Variants in WIPF1 observed in about 807,000 individuals in gnomAD.
WIPF1 encodes the protein WAS/WASL-interacting protein family member 1.
In WIPF1, 13 loss-of-function variants were observed where a neutral mutation model predicts 35.4. The observed-to-expected ratio is 0.37, with a 90% CI of 0.24 to 0.58. WIPF1 has a LOEUF of 0.58. Among genes scored for constraint, WIPF1 ranks in the 20% least tolerant of loss-of-function variants. The pLI is 0.74. For missense variants in WIPF1, 591 were observed against 667.0 expected, an observed-to-expected ratio of 0.89 and a Z score of 1.25; for synonymous variants, 267 against 266.3, an observed-to-expected ratio of 1.00 and a Z score of -0.02.
intron 1 of WIPF1, among the ~76,000 whole-genome samples, chr2:174,603,857 T>C (rs1368798488): frequency 6.6e-6 from 1 of 152,056 alleles, no homozygotes; most frequent in African/African-American, 2.4e-5. Context: ...AACACCAGAA[T>C]CCTGAATACT....
intron 1 of WIPF1, among the ~76,000 whole-genome samples, chr2:174,647,212 A>C (rs561259277): frequency 1.5e-4 from 22 of 143,196 alleles, no homozygotes; most frequent in Admixed American, 1.1e-3. Flanking sequence ...TCTCCAAAAC[A>C]TTTTTTTTTT....
chr2:174,668,056 C>G (rs765893663), intron 1 of WIPF1, among the ~76,000 whole-genome samples: 3 of 152,148 alleles, frequency 2.0e-5, no homozygotes, highest in African/African-American at 4.8e-5. Flanking sequence ...CGTCTTGTTA[C>G]GTTTTGTACC....
chr2:174,612,085 C>T (rs927187946), intron 1 of WIPF1, among the ~76,000 whole-genome samples: 7 of 152,024 alleles, frequency 4.6e-5, no homozygotes, highest in Non-Finnish European at 7.4e-5. Flanking sequence ...TTTGTAGAGA[C>T]GTAGTCTTGC....
chr2:174,654,190 ATGTT>A (rs972493275), intron 1 of WIPF1, among the ~76,000 whole-genome samples: 1 of 152,110 alleles, frequency 6.6e-6, no homozygotes, highest in African/African-American at 2.4e-5. Context: ...TGTACCATTT[ATGTT>A]TATTAAAAAT....
chr2:174,631,084 T>C (rs1396166939), intron 1 of WIPF1, among the ~76,000 whole-genome samples: 1 of 152,202 alleles, frequency 6.6e-6, no homozygotes, highest in Non-Finnish European at 1.5e-5. Flanking sequence ...AAGCCAAACA[T>C]AGAATTACCT....
At chr2:174,642,167 A>C (rs1687309457) in intron 1 of WIPF1, among the ~76,000 whole-genome samples, 1 of 152,182 alleles carries the variant, frequency 6.6e-6, no homozygotes, top group Non-Finnish European at 1.5e-5. Context: ...CTAAGCTGCA[A>C]GGAGGGCAAG....
At chr2:174,624,864 G>C (rs1393088703) in intron 1 of WIPF1, among the ~76,000 whole-genome samples, 1 of 152,176 alleles carries the variant, frequency 6.6e-6, no homozygotes, top group Non-Finnish European at 1.5e-5. Flanking sequence ...TGTGGAGGGG[G>C]GTTGGGGCTG....
chr2:174,615,304 T>C (rs1686474104), intron 1 of WIPF1, among the ~76,000 whole-genome samples: 1 of 152,144 alleles, frequency 6.6e-6, no homozygotes, highest in Non-Finnish European at 1.5e-5. Flanking sequence ...AGCAATTACA[T>C]TAAAAAAATA....
chr2:174,569,799 C>CTGAG (rs1380062199), intron 5 of WIPF1, among the ~76,000 whole-genome samples: 1 of 152,188 alleles, frequency 6.6e-6, no homozygotes, highest in East Asian at 1.9e-4. Context: ...CATCAGAAGA[C>CTGAG]TGAGTGGAGG....
chr2:174,574,007 C>T (rs553784305), intron 4 of WIPF1, among the ~76,000 whole-genome samples: 84 of 151,658 alleles, frequency 5.5e-4, no homozygotes, highest in Non-Finnish European at 1.6e-4. Context: ...CTCCCACCTC[C>T]GCCTCCTGGG....
intron 7 of WIPF1, among the ~76,000 whole-genome samples, chr2:174,565,114 C>T (rs941986471): frequency 5.3e-5 from 8 of 151,996 alleles, no homozygotes; most frequent in African/African-American, 1.9e-4. Context: ...AGGCTAGTCT[C>T]GAACTCCTGA....
intron 1 of WIPF1, among the ~76,000 whole-genome samples, chr2:174,640,807 A>G (rs1431930181): frequency 6.6e-6 from 1 of 152,086 alleles, no homozygotes; most frequent in Non-Finnish European, 1.5e-5. Flanking sequence ...TTAAAGAATT[A>G]ATATTGTTAA....
intron 1 of WIPF1, among the ~76,000 whole-genome samples, chr2:174,624,290 C>T (rs1686761194): frequency 6.6e-6 from 1 of 152,164 alleles, no homozygotes; most frequent in African/African-American, 2.4e-5. Flanking sequence ...GAGAAGTCTT[C>T]CCGCAAAATT....
At chr2:174,675,365 A>AC (rs1345824852) in intron 1 of WIPF1, among the ~76,000 whole-genome samples, 1 of 150,702 alleles carries the variant, frequency 6.6e-6, no homozygotes, top group African/African-American at 2.4e-5. Context: ...TTATCTACTT[A>AC]TTTTTTTTTA....
Position 174,676,761 on chromosome 2 carries a change from T to G in WIPF1, c.-39+6013A>C, listed in dbSNP as rs1403737160. 2.0e-5 allele frequency: 3 copies of G among 152,208 alleles called. No homozygotes were observed. The East Asian group carries it at 5.8e-4, about 29-fold the overall frequency. 9.4% of individuals were successfully genotyped at this position (152,208 alleles called of 1,614,324 possible). On this transcript the variant is annotated intron_variant, in intron 1 of 8. Coordinates refer to the WIPF1 transcript ENST00000272746. ...ACTTCTTAGGTTCTACAATAATAAC[T>G]TCTACTTTCCCCACAAGAACAAAAC... is the stretch of plus-strand genomic sequence containing the variant.
chr2:174,645,008 A>T (rs1200081443), intron 1 of WIPF1, among the ~76,000 whole-genome samples: 1 of 152,110 alleles, frequency 6.6e-6, no homozygotes, highest in African/African-American at 2.4e-5. Context: ...TCCTTATTTG[A>T]TTTTTCATAG....
chr2:174,581,566 T>A, intron 2 of WIPF1, 127 bp from the exon 3 acceptor site: 1 of 1,266,196 alleles, frequency 7.9e-7, no homozygotes, highest in Non-Finnish European at 1.1e-6. Flanking sequence ...TTGTAAATTC[T>A]CGACAAGTTT....
At chr2:174,609,554 T>C (rs1227042161) in intron 1 of WIPF1, among the ~76,000 whole-genome samples, 2 of 152,248 alleles carry the variant, frequency 1.3e-5, no homozygotes, top group African/African-American at 2.4e-5. Flanking sequence ...TCTGATGAGT[T>C]GTACCTGATC....
intron 1 of WIPF1, among the ~76,000 whole-genome samples, chr2:174,605,835 A>G (rs1444263457): frequency 6.6e-6 from 1 of 152,210 alleles, no homozygotes; most frequent in Non-Finnish European, 1.5e-5. Context: ...AAATGTTTCC[A>G]TAACAAAAAG....
Sources: gnomAD v4.1 joint callset for allele counts (sites outside exome capture counted in the v4.1 genomes callset) on GRCh38, gnomAD v4.1.1 for gene constraint, MANE v1.5 for transcripts, NCBI Gene and HGNC (gene_info 2026-07-23, HGNC 2026-07-21) for gene names.